The following RAB28 variants were observed in gnomAD, a reference collection of about 807,000 sequenced individuals.
RAB28 encodes ras-related protein Rab-28.
RAB28 carries 24 observed loss-of-function variants against 31.7 expected under a neutral mutation model. The ratio of observed to expected loss-of-function variants is 0.76; its 90% CI spans 0.55 to 1.06. The LOEUF (loss-of-function observed/expected upper bound fraction) is 1.06, where lower values mean the gene tolerates loss of function less well. RAB28 is among the 50% of genes least tolerant of loss of function. The pLI is 0.00. For missense variants in RAB28, 254 were observed against 258.5 expected (o/e 0.98, Z 0.12); for synonymous variants, 100 against 90.4 (o/e 1.11, Z -0.60).
chr4:13,470,720 A>G (rs1003871928), intron 3 of RAB28, among the ~76,000 whole-genome samples: 2 of 152,096 alleles, frequency 1.3e-5, no homozygotes, highest in African/African-American at 2.4e-5. Context: ...AAAATCCCCT[A>G]TAACATCTTT....
rs186516014 is a variant in RAB28 at position 13,479,590 on chromosome 4, T to A, written c.76-64A>T. On this transcript the variant is annotated intron_variant, in intron 1 of 6. Transcript: ENST00000330852. ...TAAAGAAATGTAATCATAAGACCAC[T>A]ATAAATCTTAAGCAATCTTAACATG... The A allele has an allele frequency of 1.1e-4, 121 of 1,087,286 alleles. No homozygotes were observed. In the African/African-American group the frequency reaches 1.6e-3, roughly 14 times the overall value. The allele number at this position is 1,087,286 out of a possible 1,614,324, so 67.4% of individuals were successfully genotyped here. A position where few individuals can be genotyped will look rare whatever the true frequency, so the allele number is the denominator to read the frequency against.
At chr4:13,368,904 C>A (rs1728614973) in intron 6 of RAB28, among the ~76,000 whole-genome samples, 1 of 150,420 alleles carries the variant, frequency 6.6e-6, no homozygotes, top group Non-Finnish European at 1.5e-5. Context: ...TATCATAAGT[C>A]TAATGAAAAA....
intron 4 of RAB28, among the ~76,000 whole-genome samples, chr4:13,389,953 T>G (rs1729552905): frequency 6.6e-6 from 1 of 152,196 alleles, no homozygotes; most frequent in Admixed American, 6.5e-5. Flanking sequence ...GCCAATGTCA[T>G]ACTGAATGGG....
chr4:13,382,693 A>ATTTTTTTTT (rs35120402), intron 4 of RAB28, among the ~76,000 whole-genome samples: 1 of 73,910 alleles, frequency 1.4e-5, no homozygotes, highest in Non-Finnish European at 2.7e-5. Context: ...AAAATATGGA[A>ATTTTTTTTT]TTTTTTTTTT....
At chr4:13,426,874 T>C (rs531544392) in intron 4 of RAB28, among the ~76,000 whole-genome samples, 2 of 152,300 alleles carry the variant, frequency 1.3e-5, no homozygotes, top group South Asian at 2.1e-4. Flanking sequence ...TTTTCACCCA[T>C]ACACCTAGTT....
intron 4 of RAB28, among the ~76,000 whole-genome samples, chr4:13,384,613 C>T (rs1729284807): frequency 1.3e-5 from 2 of 152,132 alleles, no homozygotes; most frequent in Non-Finnish European, 2.9e-5. Context: ...TGAGGCTTGG[C>T]CCCCTAAAAT....
intron 4 of RAB28, among the ~76,000 whole-genome samples, chr4:13,456,039 C>T (rs1164625536): frequency 6.6e-6 from 1 of 152,156 alleles, no homozygotes; most frequent in Non-Finnish European, 1.5e-5. Flanking sequence ...TTGAAGATGG[C>T]AGAGAATAAG....
At chr4:13,415,505 G>A (rs1261653066) in intron 4 of RAB28, among the ~76,000 whole-genome samples, 1 of 152,168 alleles carries the variant, frequency 6.6e-6, no homozygotes, top group African/African-American at 2.4e-5. Context: ...GGCCAGCCCT[G>A]CCGGCCCGGG....
intron 3 of RAB28, among the ~76,000 whole-genome samples, chr4:13,469,517 T>C (rs1213831406): frequency 1.3e-5 from 2 of 152,008 alleles, no homozygotes; most frequent in Admixed American, 1.3e-4. Flanking sequence ...TTCCTCCAAC[T>C]TCAGTTCCAA....
chr4:13,379,092 A>G (rs913055701), intron 5 of RAB28, among the ~76,000 whole-genome samples: 1 of 151,374 alleles, frequency 6.6e-6, no homozygotes, highest in Admixed American at 6.6e-5. Flanking sequence ...CTGTAATCCC[A>G]GCTATTCGGG....
At chr4:13,402,533 AATAT>A (rs1711829507) in intron 4 of RAB28, among the ~76,000 whole-genome samples, 1 of 152,264 alleles carries the variant, frequency 6.6e-6, no homozygotes, top group South Asian at 2.1e-4. Flanking sequence ...TTCTCATGTT[AATAT>A]AGTTACTTCA....
intron 4 of RAB28, among the ~76,000 whole-genome samples, chr4:13,408,620 G>A (rs974389103): frequency 6.6e-6 from 1 of 151,886 alleles, no homozygotes; most frequent in Non-Finnish European, 1.5e-5. Flanking sequence ...AAAAAAAGCG[G>A]GCTAAAATCC....
intron 4 of RAB28, among the ~76,000 whole-genome samples, chr4:13,453,190 T>G (rs1375111648): frequency 1.3e-5 from 2 of 152,062 alleles, no homozygotes; most frequent in Non-Finnish European, 2.9e-5. Context: ...AGCATATGGT[T>G]GGGTCTTGTT....
chr4:13,469,824 G>A (rs1716035524), intron 3 of RAB28, among the ~76,000 whole-genome samples: 1 of 151,956 alleles, frequency 6.6e-6, no homozygotes, highest in African/African-American at 2.4e-5. Flanking sequence ...TAGTAGCTAG[G>A]ACTACAGGCA....
intron 4 of RAB28, among the ~76,000 whole-genome samples, chr4:13,430,317 A>G (rs1713744161): frequency 6.6e-6 from 1 of 152,154 alleles, no homozygotes; most frequent in African/African-American, 2.4e-5. Context: ...AAAGGAGGGG[A>G]GCAGGATCTG....
chr4:13,407,021 T>C (rs148171793), intron 4 of RAB28, among the ~76,000 whole-genome samples: 1,824 of 152,362 alleles, frequency 0.012, 34 homozygotes, highest in Non-Finnish European at 0.016. Context: ...CATTTGTCAA[T>C]TTTGGCTTTT....
chr4:13,389,536 A>G (rs1166431475), intron 4 of RAB28, among the ~76,000 whole-genome samples: 1 of 152,114 alleles, frequency 6.6e-6, no homozygotes, highest in Non-Finnish European at 1.5e-5. Flanking sequence ...TTAATGGAAA[A>G]TTTCAAATTT....
chr4:13,450,582 TGTAA>T (rs1299873541), intron 4 of RAB28, among the ~76,000 whole-genome samples: 1 of 151,960 alleles, frequency 6.6e-6, no homozygotes, highest in African/African-American at 2.4e-5. Flanking sequence ...AAAGCACTGT[TGTAA>T]GTGATGAGAT....
chr4:13,383,933 G>A (rs549337605), intron 4 of RAB28, among the ~76,000 whole-genome samples: 7 of 152,282 alleles, frequency 4.6e-5, no homozygotes, highest in African/African-American at 1.2e-4. Context: ...TGAGGTCCCA[G>A]CCTGGCCATA....
Sources: allele counts gnomAD v4.1 joint callset (sites outside exome capture counted in the v4.1 genomes callset), GRCh38; gene constraint gnomAD v4.1.1; transcripts MANE v1.5; gene names NCBI Gene and HGNC (gene_info 2026-07-23, HGNC 2026-07-21).